IFT140: variants seen among roughly 807,000 people sequenced by gnomAD.
IFT140 encodes the protein intraflagellar transport protein 140 homolog.
In IFT140, 133 loss-of-function variants were observed where a neutral mutation model predicts 164.6. The observed-to-expected ratio is 0.81, with a 90% CI of 0.70 to 0.93. IFT140 has a LOEUF of 0.93. Among genes scored for constraint, IFT140 ranks in the 40% least tolerant of loss-of-function variants. The pLI, the probability that IFT140 is intolerant of heterozygous loss-of-function variation, is 0.00. For synonymous variants in IFT140, 860 were observed against 817.3 expected (o/e 1.05, Z -0.89); for missense variants, 2,045 against 1,972.3 (o/e 1.04, Z -0.70).
Position 1,552,947 on chromosome 16 carries a change from C to A in IFT140, c.2399+4988G>T, listed in dbSNP as rs1053525101. 1.2e-5 allele frequency: 12 copies of A among 984,662 alleles called. No homozygotes were observed. In the African/African-American group the frequency reaches 1.9e-4, roughly 16 times the overall value. 61.0% of individuals were successfully genotyped at this position (984,662 alleles called of 1,614,324 possible). On this transcript the variant is annotated intron_variant, in intron 19 of 30. Coordinates refer to ENST00000426508, the MANE Select transcript of IFT140 (RefSeq NM_014714.4). ...CGATTATAGGCGTAAACCACTGTGC[C>A]TTGTCTAGAATGTTATTTTTAATAA...
chr16:1,516,163 AAAAAAAAAAAAAAAAC>A (rs2040335078), intron 30 of IFT140, among the ~76,000 whole-genome samples: 1 of 95,254 alleles, frequency 1.0e-5, no homozygotes, highest in Admixed American at 1.1e-4. Context: ...AAAAAAAAAA[AAAAAAAAAAAAAAAAC>A]ACCAGAAATG....
rs373477879 is a variant in IFT140, at chr16:1,524,600, G to C, written c.3093C>G (p.His1031Gln). 3 of 1,607,274 alleles carry C rather than the reference G, an allele frequency of 1.9e-6. No homozygotes were observed. The highest frequency in any genetic ancestry group is 1.3e-5 in the African/African-American group (1 of 74,800). ...ESQEEVGQAV[H>Q]FYTRAQAFKN... ...TGAAGGCCTGTGCCCGGGTGTAGAA[G>C]TGCACCGCCTGCCCGACCTCCTCCT... is the stretch of plus-strand genomic sequence containing the variant. Residue 1031 changes from histidine (H) to glutamine (Q), a missense_variant, in exon 24 of 31, where the codon CAC becomes CAG. Coordinates refer to ENST00000426508, the MANE Select transcript of IFT140 (RefSeq NM_014714.4).
chr16:1,512,773 G>C (rs1596284739), intron 30 of IFT140, among the ~76,000 whole-genome samples: 1 of 152,206 alleles, frequency 6.6e-6, no homozygotes, highest in African/African-American at 2.4e-5. Context: ...CTGGGCGACA[G>C]AGCAAGACCT....
intron 19 of IFT140, among the ~76,000 whole-genome samples, chr16:1,535,025 C>A (rs1036307136): frequency 6.6e-6 from 1 of 151,882 alleles, no homozygotes; most frequent in Admixed American, 6.6e-5. Flanking sequence ...GCCTACATAG[C>A]GAGAGACCCT....
At chr16:1,599,973 C>T (rs1402099087) in intron 4 of IFT140, among the ~76,000 whole-genome samples, 2 of 142,454 alleles carry the variant, frequency 1.4e-5, no homozygotes, top group African/African-American at 2.7e-5. Context: ...TCATTGAGAA[C>T]GGGCCAGGAT....
rs67551650 is a variant in IFT140 at position 1,511,338 on chromosome 16, C to A, written c.4183-188G>T. 0.094 allele frequency among the ~76,000 whole-genome samples: 14,309 copies of A among 152,232 alleles called. 905 individuals carry two copies. Among genetic ancestry groups the A allele is most frequent in the African/African-American group, 0.16 (6,786 of 41,532 alleles). ...TGGTGATGAGGGGATGCGGTGCCCGCGGACCGCACACATGCCATGTGTGGA... is the reference window on the plus strand; with the variant it reads ...TGGTGATGAGGGGATGCGGTGCCCGAGGACCGCACACATGCCATGTGTGGA... On this transcript the variant is annotated intron_variant, in intron 30 of 30. Transcript: ENST00000426508.
chr16:1,609,203 C>A (rs890258007), intron 2 of IFT140, among the ~76,000 whole-genome samples: 11 of 152,166 alleles, frequency 7.2e-5, no homozygotes, highest in Admixed American at 3.3e-4. Context: ...GGTTACAAAT[C>A]CTGGGCTAAG....
At chr16:1,528,217 G>A (rs1484251503) in intron 19 of IFT140, among the ~76,000 whole-genome samples, 6 of 152,254 alleles carry the variant, frequency 3.9e-5, no homozygotes, top group Admixed American at 1.3e-4. Context: ...TGTGGTCACC[G>A]AGCAGGGACA....
In IFT140 at chr16:1,571,853, G is replaced by A. The variant is rs751368688; in HGVS notation, c.1525-319C>T. ...CAAATACATATGTAATCTCAGCTGA[G>A]TAAGTGCCATGTAGGTAAAGAATGG... On this transcript the variant is annotated intron_variant, in intron 13 of 30. Transcript: ENST00000426508. Among the ~76,000 whole-genome samples the A allele has an allele frequency of 2.4e-4, 36 of 152,304 alleles. 1 individual carries two copies. The highest frequency in any genetic ancestry group is 3.4e-3 in the Middle Eastern group (1 of 294).
chr16:1,523,389 G>A (rs1314775992), intron 26 of IFT140, 129 bp downstream of exon 26: 3 of 943,624 alleles, frequency 3.2e-6, no homozygotes, highest in African/African-American at 1.6e-5. Context: ...CTAGGGCAGG[G>A]GGCACCCACC....
chr16:1,549,911 CG>C (rs2032493293), intron 19 of IFT140, among the ~76,000 whole-genome samples: 1 of 152,172 alleles, frequency 6.6e-6, no homozygotes, highest in South Asian at 2.1e-4. Flanking sequence ...GTCCAGGTTG[CG>C]TGTGGACATG....
In IFT140 at chr16:1,587,050, T is replaced by C. The variant is rs534817532; in HGVS notation, c.1009+148A>G. 4.7e-6 allele frequency: 3 copies of C among 636,658 alleles called. No homozygotes were observed. In the African/African-American group the frequency reaches 5.5e-5, roughly 12 times the overall value. The allele number at this position is 636,658 out of a possible 1,614,324, so 39.4% of individuals were successfully genotyped here. ...ATCACAAAGCTCTGCCGTTGCTTGC[T>C]TGCCCTTGCCCGACTATTTGAATGG... On this transcript the variant is annotated intron_variant, in intron 9 of 30. Coordinates refer to ENST00000426508, the MANE Select transcript of IFT140 (RefSeq NM_014714.4).
At chr16:1,600,543 G>C (rs914732371) in intron 4 of IFT140, among the ~76,000 whole-genome samples, 2 of 151,704 alleles carry the variant, frequency 1.3e-5, no homozygotes, top group East Asian at 3.9e-4. Flanking sequence ...ATTAGCAAAA[G>C]ATTGAAAACC....
At chr16:1,517,977 C>T in intron 30 of IFT140, 1 of 374,574 alleles carries the variant, frequency 2.7e-6, no homozygotes, top group Admixed American at 4.2e-5. Flanking sequence ...AGCTGGGACC[C>T]CAGGTGTGAG....
At chr16:1,520,447 C>G in intron 27 of IFT140, 104 bp from the exon 28 acceptor site, 1 of 1,381,640 alleles carries the variant, frequency 7.2e-7, no homozygotes. Context: ...TCAGGGCTGC[C>G]CGGTAGAGAG....
chr16:1,572,336 A>G (rs775814564), intron 13 of IFT140, among the ~76,000 whole-genome samples: 70 of 152,220 alleles, frequency 4.6e-4, no homozygotes, highest in Admixed American at 1.4e-3. Flanking sequence ...CACGTCCCAC[A>G]GTCGGCACGT....
intron 19 of IFT140, among the ~76,000 whole-genome samples, chr16:1,557,326 C>T (rs1013206637): frequency 1.3e-5 from 2 of 152,174 alleles, no homozygotes; most frequent in Non-Finnish European, 1.5e-5. Flanking sequence ...AGGACGACAG[C>T]GGGCCGGGGT....
chr16:1,553,451 C>T lies in IFT140; in HGVS notation c.2399+4484G>A. On this transcript the variant is annotated intron_variant, in intron 19 of 30. Coordinates refer to ENST00000426508, the MANE Select transcript of IFT140 (RefSeq NM_014714.4). The surrounding 1 kb of genome is among the most constrained non-coding windows in gnomAD (Gnocchi z 4.4). ...GGAGAGACCGGCATGAACAGACGCA[C>T]AGGTGTCAACATGCAGGCCAGGCGG... The T allele has an allele frequency of 1.0e-6, 1 of 985,436 alleles. No individual in the cohort carries two copies. 61.0% of individuals were successfully genotyped at this position (985,436 alleles called of 1,614,324 possible). A position where few individuals can be genotyped will look rare whatever the true frequency, so the allele number is the denominator to read the frequency against.
chr16:1,593,952 G>T (rs1041556130), intron 4 of IFT140, among the ~76,000 whole-genome samples: 1 of 152,284 alleles, frequency 6.6e-6, no homozygotes, highest in Middle Eastern at 3.4e-3. Context: ...AACCACCCGG[G>T]CTTCTTCAGC....
Sources: allele counts gnomAD v4.1 joint callset (sites outside exome capture counted in the v4.1 genomes callset), GRCh38; gene constraint gnomAD v4.1.1; non-coding constraint Gnocchi (gnomAD v3.1); transcripts MANE v1.5; gene names NCBI Gene and HGNC (gene_info 2026-07-23, HGNC 2026-07-21).